The following LRRC4C variants were observed in gnomAD, a reference collection of about 807,000 sequenced individuals.
LRRC4C encodes the protein leucine-rich repeat-containing protein 4C.
In LRRC4C, 5 loss-of-function variants were observed where a neutral mutation model predicts 33.6. That is an observed-to-expected ratio of 0.15 (90% confidence interval 0.08 to 0.31). LRRC4C has a LOEUF of 0.31. LRRC4C is among the 10% of genes least tolerant of loss of function. The pLI is 1.00. For synonymous variants in LRRC4C, 329 were observed against 302.0 expected (o/e 1.09, Z -0.93); for missense variants, 560 against 796.7 (o/e 0.70, Z 3.58).
At chr11:40,949,011 A>T (rs547271984) in intron 1 of LRRC4C, among the ~76,000 whole-genome samples, 1 of 152,168 alleles carries the variant, frequency 6.6e-6, no homozygotes, top group East Asian at 1.9e-4. Flanking sequence ...CTATTTCTCC[A>T]CATCCTCTCC....
At chr11:40,680,201 T>C (rs1944615168) in intron 2 of LRRC4C, among the ~76,000 whole-genome samples, 1 of 152,236 alleles carries the variant, frequency 6.6e-6, no homozygotes, top group Admixed American at 6.5e-5. Flanking sequence ...GCAATGGCTG[T>C]ATTTACCAAA....
chr11:41,040,264 T>C (rs1857352424), intron 1 of LRRC4C, among the ~76,000 whole-genome samples: 1 of 151,978 alleles, frequency 6.6e-6, no homozygotes, highest in Admixed American at 6.6e-5. Flanking sequence ...TATGTGTTTA[T>C]ACATGGCTTT....
intron 3 of LRRC4C, among the ~76,000 whole-genome samples, chr11:40,371,111 A>G (rs1948431064): frequency 6.6e-6 from 1 of 152,178 alleles, no homozygotes; most frequent in African/African-American, 2.4e-5. Flanking sequence ...AAAATTAAAA[A>G]ACACTCACTT....
intron 2 of LRRC4C, among the ~76,000 whole-genome samples, chr11:40,690,503 GA>G (rs1226342992): frequency 6.6e-6 from 1 of 151,968 alleles, no homozygotes; most frequent in Non-Finnish European, 1.5e-5. Context: ...CTTTATAGGC[GA>G]AAAAACAGAA....
chr11:41,189,339 G>A (rs1945843403), intron 1 of LRRC4C, among the ~76,000 whole-genome samples: 1 of 152,130 alleles, frequency 6.6e-6, no homozygotes, highest in African/African-American at 2.4e-5. Flanking sequence ...TTTCCTGGCT[G>A]AGGGAACAAG....
At chr11:41,150,228 A>C (rs1367000580) in intron 1 of LRRC4C, among the ~76,000 whole-genome samples, 1 of 152,218 alleles carries the variant, frequency 6.6e-6, no homozygotes, top group East Asian at 1.9e-4. Context: ...TTTAGCTCAA[A>C]AAACTGCTAG....
intron 1 of LRRC4C, among the ~76,000 whole-genome samples, chr11:41,064,870 C>T (rs1316357573): frequency 6.6e-6 from 1 of 152,216 alleles, no homozygotes; most frequent in Non-Finnish European, 1.5e-5. Flanking sequence ...ACTGTTTTAC[C>T]TGCCAGAGGT....
intron 3 of LRRC4C, among the ~76,000 whole-genome samples, chr11:40,353,498 C>T (rs1590411012): frequency 6.6e-6 from 1 of 152,090 alleles, no homozygotes; most frequent in African/African-American, 2.4e-5. Context: ...TAGCGGTTCA[C>T]TTGAGGCCAA....
At chr11:41,279,694 T>C (rs1346471912) in intron 1 of LRRC4C, among the ~76,000 whole-genome samples, 2 of 152,160 alleles carry the variant, frequency 1.3e-5, no homozygotes, top group African/African-American at 2.4e-5. Flanking sequence ...CTAGGTCATT[T>C]CCTTTTTGGC....
intron 1 of LRRC4C, among the ~76,000 whole-genome samples, chr11:41,150,264 T>G (rs74463656): frequency 0.013 from 1,980 of 152,322 alleles, 52 homozygotes; most frequent in African/African-American, 0.044. Context: ...TGTCTACAAG[T>G]ATGAATGCCT....
chr11:40,602,063 C>T (rs960570059), intron 3 of LRRC4C, among the ~76,000 whole-genome samples: 4 of 151,538 alleles, frequency 2.6e-5, no homozygotes, highest in South Asian at 4.2e-4. Context: ...GGTGTGGTGG[C>T]GCGTGCCTCT....
intron 1 of LRRC4C, among the ~76,000 whole-genome samples, chr11:41,443,436 G>A (rs1468836258): frequency 2.0e-5 from 3 of 152,114 alleles, no homozygotes; most frequent in Non-Finnish European, 4.4e-5. Context: ...TTGAGCCTGG[G>A]AAGTTGTGGC....
intron 3 of LRRC4C, among the ~76,000 whole-genome samples, chr11:40,383,927 ATTATTATT>A (rs1565336031): frequency 1.6e-5 from 2 of 124,266 alleles, no homozygotes; most frequent in African/African-American, 8.3e-5. Flanking sequence ...TCAAATTATT[ATTATTATT>A]ATTATTATTA....
intron 3 of LRRC4C, among the ~76,000 whole-genome samples, chr11:40,461,570 T>C (rs1278772546): frequency 2.0e-5 from 3 of 151,790 alleles, no homozygotes; most frequent in Non-Finnish European, 2.9e-5. Flanking sequence ...TATTTTACTT[T>C]TCAAATTGTT....
At chr11:40,676,697 A>G (rs556236743) in intron 2 of LRRC4C, among the ~76,000 whole-genome samples, 4 of 152,284 alleles carry the variant, frequency 2.6e-5, no homozygotes, top group Admixed American at 6.5e-5. Context: ...AATTTTGATA[A>G]TCTTGACCAA....
At chr11:41,083,977 T>A (rs1939770180) in intron 1 of LRRC4C, among the ~76,000 whole-genome samples, 1 of 152,244 alleles carries the variant, frequency 6.6e-6, no homozygotes, top group Admixed American at 6.5e-5. Context: ...AGACGATGTC[T>A]CCTTTGCATA....
intron 3 of LRRC4C, among the ~76,000 whole-genome samples, chr11:40,355,048 A>G (rs12807183): frequency 0.16 from 24,250 of 152,078 alleles, 2,288 homozygotes; most frequent in East Asian, 0.3. Flanking sequence ...CTGCTTAATC[A>G]ACAGGTGCTA....
At chr11:40,637,422 G>A (rs956827599) in intron 3 of LRRC4C, among the ~76,000 whole-genome samples, 3 of 152,150 alleles carry the variant, frequency 2.0e-5, no homozygotes, top group African/African-American at 7.2e-5. Flanking sequence ...TATTTATAGA[G>A]TGCTTTCATA....
rs577030317 is a variant in LRRC4C, at chr11:41,068,342, G to A, written c.-495-134619C>T. 1.7e-3 allele frequency among the ~76,000 whole-genome samples: 264 copies of A among 152,220 alleles called. 1 individual carries two copies. The highest frequency in any genetic ancestry group is 2.6e-3 in the Non-Finnish European group (174 of 68,018). ...GGGGAGGTGGAGGTTGCGGTGAGCT[G>A]AGCGTGCCACCGCACTCTAGCTTGG... On this transcript the variant is annotated intron_variant, in intron 1 of 6. Transcript: ENST00000528697.
Sources: gnomAD v4.1 joint callset for allele counts (sites outside exome capture counted in the v4.1 genomes callset) on GRCh38, gnomAD v4.1.1 for gene constraint, MANE v1.5 for transcripts, NCBI Gene and HGNC (gene_info 2026-07-23, HGNC 2026-07-21) for gene names.